The following PRR23B variants were observed in gnomAD, a reference collection of about 807,000 sequenced individuals.
PRR23B encodes proline rich 23B.
For synonymous variants in PRR23B, 157 were observed against 168.0 expected, an observed-to-expected ratio of 0.93 and a Z score of 0.51; for missense variants, 375 against 371.7, an observed-to-expected ratio of 1.01 and a Z score of -0.07.
Position 139,020,720 on chromosome 3 carries a change from G to T in PRR23B, c.-59C>A. 1.4e-6 allele frequency: 2 copies of T among 1,438,486 alleles called. No individual in the cohort carries two copies. Among genetic ancestry groups the T allele is most frequent in the Non-Finnish European group, 1.8e-6 (2 of 1,104,398 alleles). 89.1% of individuals were successfully genotyped at this position (1,438,486 alleles called of 1,614,324 possible). ...CCTAGCAGCGGACGTGGGGAGCGCG[G>T]CGGTGAAGTCCTCTTTGAAGTAACA... On this transcript the variant is annotated 5_prime_UTR_variant, in exon 1 of 1. Transcript: ENST00000329447.
chr3:139,019,930 G>C lies in PRR23B; in HGVS notation c.732C>G (p.Pro244=), dbSNP rs749088008. The C allele has an allele frequency of 9.3e-6, 15 of 1,612,042 alleles. No individual in the cohort carries two copies. The highest frequency in any genetic ancestry group is 3.3e-5 in the Admixed American group (2 of 59,730). ...GTTCCGGGAGCGGCGAGCGCGCGTGGGGACCTGGACTCCCCACGCACGGAG... is the reference window on the plus strand; with the variant it reads ...GTTCCGGGAGCGGCGAGCGCGCGTGCGGACCTGGACTCCCCACGCACGGAG... The part of the protein sequence containing the change: ...PPSPCVGSPG[P]HARSPLPERP... Residue 244 remains proline (P), a synonymous_variant, in exon 1 of 1, where the codon CCC becomes CCG. Coordinates refer to ENST00000329447, the MANE Select transcript of PRR23B (RefSeq NM_001013650.2).
Position 139,020,814 on chromosome 3 carries a change from T to A in PRR23B, c.-153A>T, listed in dbSNP as rs1425273445. The A allele has an allele frequency of 3.0e-6, 3 of 1,001,754 alleles. No individual in the cohort carries two copies. The highest frequency in any genetic ancestry group is 4.2e-6 in the Non-Finnish European group (3 of 715,934). The allele number at this position is 1,001,754 out of a possible 1,614,324, so 62.1% of individuals were successfully genotyped here. On this transcript the variant is annotated 5_prime_UTR_variant, in exon 1 of 1. Coordinates refer to ENST00000329447, the MANE Select transcript of PRR23B (RefSeq NM_001013650.2). ...GGACCGCGCGACGCGGGGCGAGTCCTCGGAGCTCCCGGGGCGCCTCCTGGG... is the reference window on the plus strand; with the variant it reads ...GGACCGCGCGACGCGGGGCGAGTCCACGGAGCTCCCGGGGCGCCTCCTGGG...
rs780056975 is a variant in PRR23B, at chr3:139,020,093, C to T, written c.569G>A (p.Arg190Gln). The T allele has an allele frequency of 1.2e-6, 2 of 1,613,882 alleles. No homozygotes were observed. The highest frequency in any genetic ancestry group is 2.2e-5 in the South Asian group (2 of 91,046). The change falls in exon 1 of 1, where the codon CGG becomes CAG. Residue 190 changes from arginine to glutamine, a missense_variant. Transcript: ENST00000329447. ...PSSRSMFIPY[R>Q]EGPIPEPCAL... The stretch of plus-strand genomic sequence containing the variant: ...ACAGGGTTCTGGGATGGGGCCCTCC[C>T]GGTAGGGGATGAACATACTTCTAGA...
chr3:139,020,645 C>A lies in PRR23B; in HGVS notation c.17G>T (p.Arg6Leu). 1 of 1,532,496 alleles carries A rather than the reference C, an allele frequency of 6.5e-7. No homozygotes were observed. The highest frequency in any genetic ancestry group is 8.7e-7 in the Non-Finnish European group (1 of 1,147,890). The allele number at this position is 1,532,496 out of a possible 1,614,324, so 94.9% of individuals were successfully genotyped here. Residue 6 changes from arginine (R) to leucine (L), a missense_variant, in exon 1 of 1, where the codon CGC (arginine) becomes CTC (leucine). Coordinates refer to ENST00000329447, the MANE Select transcript of PRR23B (RefSeq NM_001013650.2). ...GGGAGCAGGGAAGGCGCTGGGGCTGCGGGGCCGGCTGACCATCGCCTCGAC... is the reference window on the plus strand; with the variant it reads ...GGGAGCAGGGAAGGCGCTGGGGCTGAGGGGCCGGCTGACCATCGCCTCGAC... MVSRP[R>L]SPSAFPAPWW...
chr3:139,020,691 T>A lies in PRR23B; in HGVS notation c.-30A>T. 6.8e-7 allele frequency: 1 copy of A among 1,470,366 alleles called. No homozygotes were observed. The highest frequency in any genetic ancestry group is 8.9e-7 in the Non-Finnish European group (1 of 1,121,748). The allele number at this position is 1,470,366 out of a possible 1,614,324, so 91.1% of individuals were successfully genotyped here. ...TCGACGGCGCTGTGGACGGCGCTCCTGGGCCTAGCAGCGGACGTGGGGAGC... is the reference window on the plus strand; with the variant it reads ...TCGACGGCGCTGTGGACGGCGCTCCAGGGCCTAGCAGCGGACGTGGGGAGC... On this transcript the variant is annotated 5_prime_UTR_variant, in exon 1 of 1. Transcript: ENST00000329447.
In PRR23B at chr3:139,020,766, C is replaced by A. The variant is rs1470884787; in HGVS notation, c.-105G>T. The A allele has an allele frequency of 1.5e-6, 2 of 1,365,510 alleles. No homozygotes were observed. The highest frequency in any genetic ancestry group is 1.9e-6 in the Non-Finnish European group (2 of 1,040,738). 84.6% of individuals were successfully genotyped at this position (1,365,510 alleles called of 1,614,324 possible). A position where few individuals can be genotyped will look rare whatever the true frequency, so the allele number is the denominator to read the frequency against. ...TAACAGATGTCGGTGGTAGGGGAGG[C>A]TGGTTGGGACGAGCGGGGCGCAGGA... is the stretch of plus-strand genomic sequence containing the variant. On this transcript the variant is annotated 5_prime_UTR_variant, in exon 1 of 1. Transcript: ENST00000329447.
chr3:139,020,699 G>A lies in PRR23B; in HGVS notation c.-38C>T. The A allele has an allele frequency of 1.4e-6, 2 of 1,459,456 alleles. No homozygotes were observed. Among genetic ancestry groups the A allele is most frequent in the Non-Finnish European group, 1.8e-6 (2 of 1,116,858 alleles). 90.4% of individuals were successfully genotyped at this position (1,459,456 alleles called of 1,614,324 possible). ...GCTGTGGACGGCGCTCCTGGGCCTA[G>A]CAGCGGACGTGGGGAGCGCGGCGGT... On this transcript the variant is annotated 5_prime_UTR_variant, in exon 1 of 1. Transcript: ENST00000329447.
Position 139,020,701 on chromosome 3 carries a change from A to C in PRR23B, c.-40T>G, listed in dbSNP as rs1936941103. ...TGTGGACGGCGCTCCTGGGCCTAGC[A>C]GCGGACGTGGGGAGCGCGGCGGTGA... On this transcript the variant is annotated 5_prime_UTR_variant, in exon 1 of 1. Coordinates refer to ENST00000329447, the MANE Select transcript of PRR23B (RefSeq NM_001013650.2). 6.9e-7 allele frequency: 1 copy of C among 1,458,042 alleles called. No individual in the cohort carries two copies. The highest frequency in any genetic ancestry group is 2.8e-5 in the Admixed American group (1 of 35,706). The allele number at this position is 1,458,042 out of a possible 1,614,324, so 90.3% of individuals were successfully genotyped here. A position where few individuals can be genotyped will look rare whatever the true frequency, so the allele number is the denominator to read the frequency against.
Position 139,020,404 on chromosome 3 carries a change from C to A in PRR23B, c.258G>T (p.Ser86=), listed in dbSNP as rs201722828. 2.5e-6 allele frequency: 4 copies of A among 1,613,832 alleles called. No individual in the cohort carries two copies. The highest frequency in any genetic ancestry group is 1.7e-5 in the Admixed American group (1 of 60,000). ...GTCCACCGAGAGACACTCGCAGGAT[C>A]GACGTTGGTGCGGGCTCCAGCACCA... The part of the protein sequence containing the change: ...VDLVLEPAPT[S]ILRVSLGGHT... Residue 86 remains serine (S), a synonymous_variant, in exon 1 of 1, where the codon TCG becomes TCT. Coordinates refer to ENST00000329447, the MANE Select transcript of PRR23B (RefSeq NM_001013650.2).
chr3:139,019,902 G>A lies in PRR23B; in HGVS notation c.760C>T (p.Pro254Ser). The A allele has an allele frequency of 6.2e-7, 1 of 1,610,544 alleles. No individual in the cohort carries two copies. Among genetic ancestry groups the A allele is most frequent in the Non-Finnish European group, 8.5e-7 (1 of 1,178,560 alleles). Residue 254 changes from proline to serine, a missense_variant, in exon 1 of 1, where the codon CCT becomes TCT. Coordinates refer to ENST00000329447, the MANE Select transcript of PRR23B (RefSeq NM_001013650.2). ...PHARSPLPER[P>S]PCKARRRLFQ... The stretch of plus-strand genomic sequence containing the variant: ...AGGCGTCTCCGGGCCTTGCACGGAG[G>A]GCGTTCCGGGAGCGGCGAGCGCGCG...
In PRR23B at chr3:139,020,071, G is replaced by A. The variant is rs1187415063; in HGVS notation, c.591C>T (p.Pro197=). The A allele has an allele frequency of 2.5e-6, 4 of 1,613,952 alleles. No homozygotes were observed. Among genetic ancestry groups the A allele is most frequent in the Non-Finnish European group, 2.5e-6 (3 of 1,179,994 alleles). Residue 197 remains proline, a synonymous_variant, in exon 1 of 1, where the codon CCC becomes CCT. Coordinates refer to ENST00000329447, the MANE Select transcript of PRR23B (RefSeq NM_001013650.2). The stretch of plus-strand genomic sequence containing the variant: ...AACTGGGGTTGGGGGCCAGAGCACA[G>A]GGTTCTGGGATGGGGCCCTCCCGGT... ...IPYREGPIPE[P]CALAPNPSSE... is the part of the protein sequence containing the mutation.
chr3:139,019,802 G>A lies in PRR23B; in HGVS notation c.*62C>T, dbSNP rs1936925985. On this transcript the variant is annotated 3_prime_UTR_variant, in exon 1 of 1. Transcript: ENST00000329447. ...TGGATACTCAATGTGAGAGATTCCCGCAATCCTAGAGGGCCTCCAGCAGAG... is the reference window on the plus strand; with the variant it reads ...TGGATACTCAATGTGAGAGATTCCCACAATCCTAGAGGGCCTCCAGCAGAG... 6.7e-7 allele frequency: 1 copy of A among 1,482,770 alleles called. No homozygotes were observed. The highest frequency in any genetic ancestry group is 2.3e-5 in the East Asian group (1 of 43,766). The allele number at this position is 1,482,770 out of a possible 1,614,324, so 91.9% of individuals were successfully genotyped here.
In PRR23B at chr3:139,020,569, C is replaced by T. The variant is rs781009963; in HGVS notation, c.93G>A (p.Leu31=). 9.0e-6 allele frequency: 14 copies of T among 1,551,470 alleles called. No individual in the cohort carries two copies. The highest frequency in any genetic ancestry group is 1.2e-5 in the South Asian group (1 of 84,654). The change falls in exon 1 of 1, where the codon TTG becomes TTA. Residue 31 remains leucine, a synonymous_variant. Coordinates refer to ENST00000329447, the MANE Select transcript of PRR23B (RefSeq NM_001013650.2). ...GGGGTTCGGGGCCCGCGGGCTCCTC[C>T]AATCGGAGGCGCTTGGCAGGGCCGG... ...GGPGPAKRLR[L]EEPAGPEPRA... is the part of the protein sequence containing the mutation.
rs201593775 is a variant in PRR23B, at chr3:139,020,513, C to T, written c.149G>A (p.Gly50Glu). ...RAAPSLEDPA[G>E]DPAVDALTSI... ...GGTGAGCGCGTCCACGGCCGGGTCC[C>T]CCGCCGGGTCTTCCAGGCTGGGTGC... Residue 50 changes from glycine (G) to glutamate (E), a missense_variant, in exon 1 of 1, where the codon GGG becomes GAG. By Grantham distance (98) the Gly-to-Glu change is moderately conservative. Coordinates refer to ENST00000329447, the MANE Select transcript of PRR23B (RefSeq NM_001013650.2). 1,164 of 1,571,462 alleles carry T rather than the reference C, an allele frequency of 7.4e-4. 9 individuals are homozygous for T. The African/African-American group carries it at 0.013, about 18-fold the overall frequency.
At position 139,019,885 on chromosome 3, in the gene PRR23B, C is replaced by A; in HGVS notation, c.777G>T (p.Arg259=). The A allele has an allele frequency of 6.2e-7, 1 of 1,604,492 alleles. No individual in the cohort carries two copies. Among genetic ancestry groups the A allele is most frequent in the Non-Finnish European group, 8.5e-7 (1 of 1,175,922 alleles). ...PLPERPPCKA[R]RRLFQA is the part of the protein sequence containing the mutation. The stretch of plus-strand genomic sequence containing the variant: ...GGGTCTATGCCTGGAACAGGCGTCT[C>A]CGGGCCTTGCACGGAGGGCGTTCCG... Residue 259 remains arginine (R), a synonymous_variant, in exon 1 of 1, where the codon CGG becomes CGT. Coordinates refer to ENST00000329447, the MANE Select transcript of PRR23B (RefSeq NM_001013650.2).
In PRR23B at chr3:139,020,347, C is replaced by G. The variant is rs1439855967; in HGVS notation, c.315G>C (p.Leu105=). 10 of 1,614,050 alleles carry G rather than the reference C, an allele frequency of 6.2e-6. No homozygotes were observed. The highest frequency in any genetic ancestry group is 7.6e-6 in the Non-Finnish European group (9 of 1,179,992). ...CTCCTGAGCGTTCGTCGACGGAGCTCAGGAGGACCTCTGGGATCAGGATGA... is the reference window on the plus strand; with the variant it reads ...CTCCTGAGCGTTCGTCGACGGAGCTGAGGAGGACCTCTGGGATCAGGATGA... The part of the protein sequence containing the change: ...HTLILIPEVL[L]SSVDERSGAQ... The change falls in exon 1 of 1, where the codon CTG becomes CTC. Residue 105 remains leucine, a synonymous_variant. Transcript: ENST00000329447.
In PRR23B at chr3:139,020,497, G is replaced by T; in HGVS notation, c.165C>A (p.Asp55Glu). The change falls in exon 1 of 1, where the codon GAC becomes GAA. Residue 55 changes from aspartate to glutamate, a missense_variant. Transcript: ENST00000329447. Reference sequence around the variant, plus strand: ...CCAGGACCACTATGGAGGTGAGCGCGTCCACGGCCGGGTCCCCCGCCGGGT... The same window carrying T: ...CCAGGACCACTATGGAGGTGAGCGCTTCCACGGCCGGGTCCCCCGCCGGGT... ...LEDPAGDPAV[D>E]ALTSIVVLAA... 6.3e-7 allele frequency: 1 copy of T among 1,588,228 alleles called. No individual in the cohort carries two copies. Among genetic ancestry groups the T allele is most frequent in the Non-Finnish European group, 8.6e-7 (1 of 1,168,994 alleles).
rs775330599 is a variant in PRR23B at position 139,020,497 on chromosome 3, G to A, written c.165C>T (p.Asp55=). ...LEDPAGDPAV[D]ALTSIVVLAA... is the part of the protein sequence containing the mutation. ...CCAGGACCACTATGGAGGTGAGCGC[G>A]TCCACGGCCGGGTCCCCCGCCGGGT... The change falls in exon 1 of 1, where the codon GAC becomes GAT. Residue 55 remains aspartate, a synonymous_variant. Coordinates refer to ENST00000329447, the MANE Select transcript of PRR23B (RefSeq NM_001013650.2). 2.5e-6 allele frequency: 4 copies of A among 1,588,228 alleles called. No homozygotes were observed. Among genetic ancestry groups the A allele is most frequent in the African/African-American group, 1.3e-5 (1 of 74,336 alleles).
Position 139,020,888 on chromosome 3 carries a change from G to T in PRR23B, c.-227C>A. ...GGTGCCTCGCCGGCCACCGGGCTCA[G>T]CTTAGCTCGTTGGACCCTTGGGCCT... On this transcript the variant is annotated 5_prime_UTR_variant, in exon 1 of 1. The change creates a new upstream start codon in the 5' untranslated region. Coordinates refer to ENST00000329447, the MANE Select transcript of PRR23B (RefSeq NM_001013650.2). 1 of 572,292 alleles carries T rather than the reference G, an allele frequency of 1.7e-6. No homozygotes were observed. Among genetic ancestry groups the T allele is most frequent in the Non-Finnish European group, 3.0e-6 (1 of 332,274 alleles). The allele number at this position is 572,292 out of a possible 1,614,324, so 35.5% of individuals were successfully genotyped here. A position where few individuals can be genotyped will look rare whatever the true frequency, so the allele number is the denominator to read the frequency against.
Sources: gnomAD v4.1 joint callset for allele counts on GRCh38, gnomAD v4.1.1 for gene constraint, MANE v1.5 for transcripts, NCBI Gene and HGNC (gene_info 2026-07-23, HGNC 2026-07-21) for gene names.